Variants in USP37 observed in about 807,000 individuals in gnomAD.
The protein encoded by USP37 is ubiquitin specific peptidase 37, also known as ubiquitin carboxyl-terminal hydrolase 37.
In USP37, 27 loss-of-function variants were observed where a neutral mutation model predicts 124.0. The ratio of observed to expected loss-of-function variants is 0.22; its 90% confidence interval spans 0.16 to 0.30. The LOEUF (loss-of-function observed/expected upper bound fraction) is 0.30. Ranked by LOEUF, USP37 falls within the 10% of genes least tolerant of loss-of-function variation. The probability of loss-of-function intolerance (pLI) is 1.00; values close to 1 mark genes in which losing one functional copy is unlikely to be tolerated. For missense variants in USP37, 889 were observed against 1,140.4 expected, an observed-to-expected ratio of 0.78 and a Z score of 3.17; for synonymous variants, 365 against 388.0, an observed-to-expected ratio of 0.94 and a Z score of 0.70.
intron 14 of USP37, among the ~76,000 whole-genome samples, chr2:218,489,417 C>T (rs186295607): frequency 2.6e-5 from 4 of 151,870 alleles, no homozygotes; most frequent in African/African-American, 9.7e-5. Context: ...CCATCAACTC[C>T]CTAGAAGCCC....
At position 218,485,763 on chromosome 2, in the gene USP37, T is replaced by C. The variant is rs952999674; in HGVS notation, c.1591-20A>G. On this transcript the variant is annotated intron_variant, in intron 15 of 25. Coordinates refer to ENST00000258399, the MANE Select transcript of USP37 (RefSeq NM_020935.3). ...TTCGGCCTATAAAAAGAAGGAAAAA[T>C]AAAGCATGAAGGTGAATCAGCATTA... is the stretch of plus-strand genomic sequence containing the variant. 6.3e-7 allele frequency: 1 copy of C among 1,598,304 alleles called. No homozygotes were observed. The highest frequency in any genetic ancestry group is 1.8e-5 in the Admixed American group (1 of 56,604).
intron 10 of USP37, among the ~76,000 whole-genome samples, chr2:218,527,579 A>G (rs1014206994): frequency 1.3e-5 from 2 of 152,204 alleles, no homozygotes; most frequent in African/African-American, 4.8e-5. Flanking sequence ...GCAGCTTTGC[A>G]CTAAAAAGAT....
At chr2:218,455,434 G>A in intron 25 of USP37, 146 bp downstream of exon 25, 1 of 993,030 alleles carries the variant, frequency 1.0e-6, no homozygotes, top group Non-Finnish European at 1.4e-6. Context: ...AATATCAAGA[G>A]ATAGACCCTA....
chr2:218,556,437 T>G (rs1445519876), intron 4 of USP37, among the ~76,000 whole-genome samples: 2 of 151,854 alleles, frequency 1.3e-5, no homozygotes, highest in African/African-American at 4.8e-5. Context: ...TGCTTTCTTG[T>G]GTTACCTCAG....
At chr2:218,529,515 G>A (rs1559210562) in intron 10 of USP37, among the ~76,000 whole-genome samples, 2 of 151,648 alleles carry the variant, frequency 1.3e-5, no homozygotes. Flanking sequence ...GAGGCCAGGA[G>A]CAGGAGCAGT....
chr2:218,488,797 G>A (rs988512793), intron 14 of USP37, among the ~76,000 whole-genome samples: 7 of 151,842 alleles, frequency 4.6e-5, no homozygotes, highest in African/African-American at 9.7e-5. Context: ...CACCATGCCC[G>A]GCTAATTTTG....
chr2:218,463,857 T>A (rs1690167588), intron 21 of USP37, among the ~76,000 whole-genome samples: 1 of 146,460 alleles, frequency 6.8e-6, no homozygotes, highest in Non-Finnish European at 1.5e-5. Flanking sequence ...TTTTAAGATT[T>A]TTTTTTTTTT....
At chr2:218,515,534 G>A (rs1239262771) in intron 10 of USP37, among the ~76,000 whole-genome samples, 4 of 151,982 alleles carry the variant, frequency 2.6e-5, no homozygotes, top group South Asian at 2.1e-4. Flanking sequence ...TACATCTTAC[G>A]AAAAAATTAA....
At chr2:218,466,803 C>T (rs756747850) in intron 20 of USP37, among the ~76,000 whole-genome samples, 33 of 151,758 alleles carry the variant, frequency 2.2e-4, no homozygotes, top group Admixed American at 4.6e-4. Context: ...GGCACTATCT[C>T]GGCTCACTGC....
intron 14 of USP37, among the ~76,000 whole-genome samples, chr2:218,489,350 T>A (rs868034431): frequency 8.6e-6 from 1 of 115,952 alleles, no homozygotes; most frequent in Admixed American, 9.0e-5. Flanking sequence ...AGAGAGAGAC[T>A]CTGTCTCAAA....
chr2:218,568,037 G>C (rs1470092493), intron 1 of USP37, 141 bp downstream of exon 1: 1 of 152,472 alleles, frequency 6.6e-6, no homozygotes, highest in East Asian at 1.9e-4. Flanking sequence ...GTGAGGCTGG[G>C]GGTGCATCGA....
In USP37 at chr2:218,454,691, A is replaced by C. The variant is rs1689598037; in HGVS notation, c.*239T>G. The C allele has an allele frequency of 1.6e-6, 1 of 643,550 alleles. No homozygotes were observed. Among genetic ancestry groups the C allele is most frequent in the South Asian group, 2.3e-5 (1 of 42,784 alleles). 39.9% of individuals were successfully genotyped at this position (643,550 alleles called of 1,614,324 possible). On this transcript the variant is annotated 3_prime_UTR_variant, in exon 26 of 26. Transcript: ENST00000258399. ...ATTTACAACATGTATTCCTAAGACAAAAGAAGTGCCACTCATAGGAGAAAA... is the reference window on the plus strand; with the variant it reads ...ATTTACAACATGTATTCCTAAGACACAAGAAGTGCCACTCATAGGAGAAAA...
intron 15 of USP37, 83 bp from the exon 16 acceptor site, chr2:218,485,826 G>T: frequency 1.4e-6 from 2 of 1,420,506 alleles, no homozygotes; most frequent in Non-Finnish European, 1.9e-6. Flanking sequence ...AGTCTTATTA[G>T]TTCCATTAGT....
At chr2:218,483,372 G>C (rs1249209150) in intron 16 of USP37, among the ~76,000 whole-genome samples, 1 of 152,090 alleles carries the variant, frequency 6.6e-6, no homozygotes, top group Non-Finnish European at 1.5e-5. Context: ...CCAACTTTGT[G>C]AACAGATTTG....
At chr2:218,519,595 T>A (rs935217610) in intron 10 of USP37, among the ~76,000 whole-genome samples, 1 of 152,100 alleles carries the variant, frequency 6.6e-6, no homozygotes, top group African/African-American at 2.4e-5. Context: ...CCCTTCTCGG[T>A]TTGGTAATTC....
At chr2:218,565,062 C>CA (rs1693510155) in intron 1 of USP37, among the ~76,000 whole-genome samples, 1 of 152,192 alleles carries the variant, frequency 6.6e-6, no homozygotes, top group South Asian at 2.1e-4. Flanking sequence ...GCTAGGACTA[C>CA]AGGCACATGC....
chr2:218,482,347 G>A, intron 16 of USP37, 113 bp from the exon 17 acceptor site: 1 of 1,202,488 alleles, frequency 8.3e-7, no homozygotes, highest in Admixed American at 2.8e-5. Context: ...AATCCATTTG[G>A]CCAAACCAAA....
intron 15 of USP37, among the ~76,000 whole-genome samples, chr2:218,486,696 G>A (rs901000745): frequency 6.8e-6 from 1 of 147,704 alleles, no homozygotes; most frequent in Non-Finnish European, 1.5e-5. Context: ...GGGATTACAG[G>A]TGGGAGCCAC....
intron 4 of USP37, among the ~76,000 whole-genome samples, chr2:218,556,374 C>T (rs1692973669): frequency 6.6e-6 from 1 of 151,880 alleles, no homozygotes; most frequent in African/African-American, 2.4e-5. Context: ...TCCACCTTTA[C>T]TATGTTTGGC....
Sources: allele counts gnomAD v4.1 joint callset (sites outside exome capture counted in the v4.1 genomes callset), GRCh38; gene constraint gnomAD v4.1.1; transcripts MANE v1.5; gene names NCBI Gene and HGNC (gene_info 2026-07-23, HGNC 2026-07-21).